Variants in EXD1 observed in about 807,000 individuals in gnomAD.
The protein encoded by EXD1 is piRNA biogenesis protein EXD1.
Under a neutral mutation model 49.1 loss-of-function variants are expected in EXD1, and 63 were observed. The ratio of observed to expected loss-of-function variants is 1.28; its 90% CI spans 1.05 to 1.58. The LOEUF is 1.58. Ranked by LOEUF, EXD1 falls within the 40% of genes most tolerant of loss-of-function variation. EXD1 has a pLI of 0.00. For missense variants in EXD1, 748 were observed against 666.0 expected (o/e 1.12, Z -1.36); for synonymous variants, 234 against 239.2 (o/e 0.98, Z 0.20).
chr15:41,218,465 C>T (rs574575899), intron 3 of EXD1, among the ~76,000 whole-genome samples: 2 of 126,242 alleles, frequency 1.6e-5, no homozygotes, highest in East Asian at 2.3e-4. Flanking sequence ...CCAGCCTTAG[C>T]GACAAAGTAA....
intron 7 of EXD1, among the ~76,000 whole-genome samples, chr15:41,199,790 A>T (rs1297338984): frequency 9.0e-6 from 1 of 110,900 alleles, no homozygotes; most frequent in Non-Finnish European, 1.7e-5. Flanking sequence ...ATATTATATA[A>T]TGTCATATAT....
chr15:41,199,747 T>TGTGAGA (rs558589077), intron 7 of EXD1, among the ~76,000 whole-genome samples: 4 of 99,762 alleles, frequency 4.0e-5, no homozygotes, highest in Admixed American at 2.5e-4. Flanking sequence ...ATGTCATATA[T>TGTGAGA]TATATATGAT....
At position 41,190,117 on chromosome 15, in the gene EXD1, T is replaced by G. The variant is rs1011302205; in HGVS notation, c.876A>C (p.Glu292Asp). The change falls in exon 11 of 12, where the codon GAA becomes GAC. Residue 292 changes from glutamate to aspartate, a missense_variant. Physicochemically the swap from Glu to Asp is conservative, Grantham distance 45 (BLOSUM62 2). Coordinates refer to ENST00000458580, the MANE Select transcript of EXD1 (RefSeq NM_001286441.2). The stretch of plus-strand genomic sequence containing the variant: ...GTGAAACAGGTCGGATGAACCATAC[T>G]TCTGGATTTTCCTGGAGACAATAAA... ...KRQKLIQENP[E>D]VWFIRPVSPS... 2 of 1,614,126 alleles carry G rather than the reference T, an allele frequency of 1.2e-6. No homozygotes were observed. The highest frequency in any genetic ancestry group is 1.7e-6 in the Non-Finnish European group (2 of 1,180,002).
At position 41,184,198 on chromosome 15, in the gene EXD1, C is replaced by T. The variant is rs772390082; in HGVS notation, c.1452G>A (p.Gln484=). The change falls in exon 12 of 12, where the codon CAG becomes CAA. Residue 484 remains glutamine (Q), a synonymous_variant. Transcript: ENST00000458580. ...GTTTGGGTGTCATAAAGTGTTCTTT[C>T]TGAGTTATTCTCTGGTCCTCTGACC... ...SKGSEDQRIT[Q]KEHFMTPKHE... 1.2e-6 allele frequency: 2 copies of T among 1,614,070 alleles called. No individual in the cohort carries two copies. Among genetic ancestry groups the T allele is most frequent in the East Asian group, 4.5e-5 (2 of 44,900 alleles).
intron 10 of EXD1, 81 bp downstream of exon 10, chr15:41,191,361 T>C: frequency 3.0e-6 from 4 of 1,342,066 alleles, no homozygotes; most frequent in Non-Finnish European, 4.1e-6. Context: ...AGCTGTCATT[T>C]TTCTACATAA....
intron 9 of EXD1, among the ~76,000 whole-genome samples, chr15:41,193,475 C>G (rs997734651): frequency 3.4e-4 from 51 of 152,144 alleles, no homozygotes; most frequent in African/African-American, 1.2e-3. Context: ...CATGTTGGCT[C>G]ACACCTGTAA....
rs376813563 is a variant in EXD1, at chr15:41,196,868, C to T, written c.535-831G>A. Among the ~76,000 whole-genome samples the T allele has an allele frequency of 8.5e-5, 13 of 152,084 alleles. No homozygotes were observed. In the South Asian group the frequency reaches 1.0e-3, roughly 12 times the overall value. On this transcript the variant is annotated intron_variant, in intron 7 of 11. Coordinates refer to ENST00000458580, the MANE Select transcript of EXD1 (RefSeq NM_001286441.2). ...TGAGACAGGGCCTTGCTCTGTCACCCGGGCTGGACAACAGTGGCTTTATCT... is the reference window on the plus strand; with the variant it reads ...TGAGACAGGGCCTTGCTCTGTCACCTGGGCTGGACAACAGTGGCTTTATCT...
intron 6 of EXD1, among the ~76,000 whole-genome samples, chr15:41,213,523 TTTG>T (rs1282949601): frequency 4.9e-5 from 7 of 143,202 alleles, no homozygotes; most frequent in Non-Finnish European, 1.0e-4. Context: ...TTTGTTTTGT[TTTG>T]TTGTTTTTTG....
Position 41,185,615 on chromosome 15 carries a change from G to A in EXD1, c.1057-1022C>T, listed in dbSNP as rs193108086. On this transcript the variant is annotated intron_variant, in intron 11 of 11. Coordinates refer to ENST00000458580, the MANE Select transcript of EXD1 (RefSeq NM_001286441.2). ...TGCAATCTCCACCTCCTGGGCTCAA[G>A]CAATCCTCCCACGTCAGCCTCCCCC... Among the ~76,000 whole-genome samples, 574 of 152,202 alleles carry A rather than the reference G, an allele frequency of 3.8e-3. 2 individuals carry two copies. Among genetic ancestry groups the A allele is most frequent in the South Asian group, 0.02 (97 of 4,826 alleles).
chr15:41,183,445 C>T lies in EXD1; in HGVS notation c.*486G>A, dbSNP rs938481772. ...GCACACTGCCTATGGTGTAGCCCTG[C>T]TCCACAAGGAGCGGTAAAAAAAAAT... On this transcript the variant is annotated 3_prime_UTR_variant, in exon 12 of 12. Transcript: ENST00000458580. The T allele has an allele frequency of 6.6e-6, 1 of 151,990 alleles. No individual in the cohort carries two copies. Among genetic ancestry groups the T allele is most frequent in the African/African-American group, 2.4e-5 (1 of 41,194 alleles). 9.4% of individuals were successfully genotyped at this position (151,990 alleles called of 1,614,324 possible). A position where few individuals can be genotyped will look rare whatever the true frequency, so the allele number is the denominator to read the frequency against.
chr15:41,216,317 AAG>A (rs950521528), intron 5 of EXD1, among the ~76,000 whole-genome samples: 3 of 151,558 alleles, frequency 2.0e-5, no homozygotes, highest in East Asian at 3.9e-4. Flanking sequence ...AAAAAAAAAA[AAG>A]AGAGAGAGAG....
At chr15:41,187,381 C>T (rs1202275100) in intron 11 of EXD1, among the ~76,000 whole-genome samples, 1 of 152,186 alleles carries the variant, frequency 6.6e-6, no homozygotes, top group Non-Finnish European at 1.5e-5. Flanking sequence ...TGAGCCACTA[C>T]ACCCGGCTCA....
intron 7 of EXD1, among the ~76,000 whole-genome samples, chr15:41,204,533 A>C (rs1435803295): frequency 6.6e-6 from 1 of 152,152 alleles, no homozygotes; most frequent in African/African-American, 2.4e-5. Context: ...CCTTGGCAAC[A>C]GAGCAAGATT....
chr15:41,203,916 C>CA (rs1187093511), intron 7 of EXD1, among the ~76,000 whole-genome samples: 633 of 23,168 alleles, frequency 0.027, 85 homozygotes, highest in African/African-American at 0.065. Flanking sequence ...GACTTCTCCT[C>CA]AAAAAAAAAA....
At chr15:41,225,828 C>T (rs1262632381) in intron 2 of EXD1, among the ~76,000 whole-genome samples, 1 of 150,986 alleles carries the variant, frequency 6.6e-6, no homozygotes, top group African/African-American at 2.4e-5. Context: ...GCGGAGGTTG[C>T]GGTGAGCTAT....
intron 5 of EXD1, among the ~76,000 whole-genome samples, chr15:41,216,448 A>G (rs1452602142): frequency 2.6e-5 from 4 of 152,050 alleles, no homozygotes; most frequent in Non-Finnish European, 4.4e-5. Flanking sequence ...CCTGATCAAC[A>G]TGGAGAAACC....
At chr15:41,189,121 A>C (rs1017463992) in intron 11 of EXD1, among the ~76,000 whole-genome samples, 1 of 152,092 alleles carries the variant, frequency 6.6e-6, no homozygotes, top group Non-Finnish European at 1.5e-5. Context: ...TAATCCCAGC[A>C]CTTTGAGAGG....
intron 11 of EXD1, among the ~76,000 whole-genome samples, chr15:41,188,881 C>T (rs1271364149): frequency 6.8e-6 from 1 of 147,164 alleles, no homozygotes; most frequent in Non-Finnish European, 1.5e-5. Context: ...CAGCTCACTG[C>T]AACCTCCACC....
chr15:41,188,759 C>G (rs2046456092), intron 11 of EXD1, among the ~76,000 whole-genome samples: 2 of 150,458 alleles, frequency 1.3e-5, no homozygotes, highest in Non-Finnish European at 3.0e-5. Context: ...TTGAAATTCT[C>G]AGTTTAATAG....
Sources: gnomAD v4.1 joint callset for allele counts (sites outside exome capture counted in the v4.1 genomes callset) on GRCh38, gnomAD v4.1.1 for gene constraint, MANE v1.5 for transcripts, NCBI Gene and HGNC (gene_info 2026-07-23, HGNC 2026-07-21) for gene names.